The following MIPOL1 variants were observed in gnomAD, a reference collection of about 807,000 sequenced individuals.
MIPOL1 encodes the protein mirror-image polydactyly 1.
In MIPOL1, 57 loss-of-function variants were observed where a neutral mutation model predicts 60.9. That is an observed-to-expected ratio of 0.94 (90% CI 0.76 to 1.17). MIPOL1 has a LOEUF of 1.17. MIPOL1 is among the 50% of genes most tolerant of loss of function. The pLI is 0.00. For missense variants in MIPOL1, 551 were observed against 511.6 expected (o/e 1.08, Z -0.74); for synonymous variants, 179 against 168.8 (o/e 1.06, Z -0.47).
chr14:37,270,779 A>C (rs952610772), intron 6 of MIPOL1, among the ~76,000 whole-genome samples: 1 of 151,880 alleles, frequency 6.6e-6, no homozygotes, highest in Non-Finnish European at 1.5e-5. Context: ...ATCCAATCAC[A>C]AAAAGGTTGT....
rs539062000 is a variant in MIPOL1, at chr14:37,451,981, A to AT, written c.1031+29039dup. Among the ~76,000 whole-genome samples the AT allele has an allele frequency of 4.9e-3, 731 of 150,164 alleles. 5 individuals carry two copies. Among genetic ancestry groups the AT allele is most frequent in the East Asian group, 0.023 (117 of 5,102 alleles). On this transcript the variant is annotated intron_variant, in intron 11 of 12. Transcript: ENST00000684589. ...AGGCGCCCGCCATCACGCCCGGCTAATTTTTTTGTATTTTTAGTAGAGACG... is the reference window on the plus strand; with the variant it reads ...AGGCGCCCGCCATCACGCCCGGCTAATTTTTTTTGTATTTTTAGTAGAGACG...
chr14:37,314,440 T>C (rs1469746223), intron 9 of MIPOL1, among the ~76,000 whole-genome samples: 1 of 152,072 alleles, frequency 6.6e-6, no homozygotes, highest in Non-Finnish European at 1.5e-5. Flanking sequence ...ATGAAGAAAA[T>C]TCTAGGAAGA....
chr14:37,354,563 A>C (rs1325922122), intron 9 of MIPOL1, among the ~76,000 whole-genome samples: 1 of 57,538 alleles, frequency 1.7e-5, no homozygotes, highest in Non-Finnish European at 3.5e-5. Flanking sequence ...TAGGTCACTC[A>C]GGACTTGCTT....
chr14:37,418,480 C>G (rs949531444), intron 10 of MIPOL1, among the ~76,000 whole-genome samples: 1 of 152,114 alleles, frequency 6.6e-6, no homozygotes, highest in Non-Finnish European at 1.5e-5. Context: ...AAAATACACT[C>G]TGATTATTCT....
At chr14:37,545,633 TTTTG>T in intron 12 of MIPOL1, 1 of 641,286 alleles carries the variant, frequency 1.6e-6, no homozygotes, top group Non-Finnish European at 2.8e-6. Context: ...CACTGAATAA[TTTTG>T]TTTTATTTTC....
At chr14:37,369,337 A>G (rs184689403) in intron 9 of MIPOL1, among the ~76,000 whole-genome samples, 180 bp from the exon 10 acceptor site, 2 of 152,164 alleles carry the variant, frequency 1.3e-5, no homozygotes, top group East Asian at 3.9e-4. Flanking sequence ...AATTTTTAGA[A>G]TACTGTAAGC....
intron 11 of MIPOL1, among the ~76,000 whole-genome samples, chr14:37,455,011 C>T (rs921728950): frequency 1.3e-5 from 2 of 152,068 alleles, no homozygotes; most frequent in South Asian, 2.1e-4. Flanking sequence ...GATTTTTTAA[C>T]CCCAACCTGT....
chr14:37,516,472 A>G (rs547976788), intron 12 of MIPOL1, among the ~76,000 whole-genome samples: 11 of 152,218 alleles, frequency 7.2e-5, no homozygotes, highest in Non-Finnish European at 1.5e-4. Context: ...TTATTGAAGT[A>G]TACTTCATAG....
At chr14:37,270,640 C>CA (rs1182983112) in intron 6 of MIPOL1, 115 bp downstream of exon 6, 5 of 258,978 alleles carry the variant, frequency 1.9e-5, no homozygotes, top group Admixed American at 1.2e-4. Flanking sequence ...GGGAAGCTCT[C>CA]CTTTTTTTTT....
intron 1 of MIPOL1, among the ~76,000 whole-genome samples, chr14:37,201,553 C>A (rs576425043): frequency 3.8e-4 from 58 of 152,192 alleles, no homozygotes; most frequent in African/African-American, 1.3e-3. Context: ...GTCCTTTGAG[C>A]TGTTCCATCT....
At chr14:37,240,940 T>TAAACACACACACAC (rs1972252902) in intron 1 of MIPOL1, among the ~76,000 whole-genome samples, 1 of 145,990 alleles carries the variant, frequency 6.8e-6, no homozygotes, top group Non-Finnish European at 1.5e-5. Flanking sequence ...CACACACACA[T>TAAACACACACACAC]ACACACACAC....
In MIPOL1 at chr14:37,445,011, G is replaced by A. The variant is rs1030398670; in HGVS notation, c.1031+22062G>A. Among the ~76,000 whole-genome samples the A allele has an allele frequency of 1.5e-4, 23 of 152,082 alleles. 1 individual carries two copies. The highest frequency in any genetic ancestry group is 5.1e-4 in the African/African-American group (21 of 41,414). On this transcript the variant is annotated intron_variant, in intron 11 of 12. Coordinates refer to ENST00000684589, the MANE Select transcript of MIPOL1 (RefSeq NM_001388067.1). Reference sequence around the variant, plus strand: ...ACTGGAAGCATTCCCTTTGAAAACTGGCACAAGACAGGGATGCCCTCTCTC... The same window carrying A: ...ACTGGAAGCATTCCCTTTGAAAACTAGCACAAGACAGGGATGCCCTCTCTC...
At chr14:37,358,005 A>G (rs1372759947) in intron 9 of MIPOL1, among the ~76,000 whole-genome samples, 3 of 149,304 alleles carry the variant, frequency 2.0e-5, no homozygotes, top group Non-Finnish European at 4.4e-5. Context: ...CTGCCCCCTG[A>G]GAGGCCCCCG....
At chr14:37,199,966 G>A (rs982854569) in intron 1 of MIPOL1, among the ~76,000 whole-genome samples, 1 of 152,124 alleles carries the variant, frequency 6.6e-6, no homozygotes, top group African/African-American at 2.4e-5. Flanking sequence ...GAGAATTCTG[G>A]TTCCTCCAAA....
Position 37,308,519 on chromosome 14 carries a change from G to T in MIPOL1, c.828G>T (p.Lys276Asn). The T allele has an allele frequency of 6.4e-7, 1 of 1,566,702 alleles. No homozygotes were observed. Residue 276 changes from lysine (K) to asparagine (N), a missense_variant and splice_region_variant, in exon 9 of 13, where the codon AAG (lysine) becomes AAT (asparagine). Physicochemically the swap from Lys to Asn is moderately conservative, Grantham distance 94. Transcript: ENST00000684589. ...AAGAACGGGATGCTGCCTTGTCTAA[G>T]GTAACTCTGCATATATCTGTAAAAG... ...LIEERDAALSKCKRLEQELHH... is the reference protein window; with the variant it reads ...LIEERDAALSNCKRLEQELHH...
chr14:37,520,935 T>A (rs2095408969), intron 12 of MIPOL1, among the ~76,000 whole-genome samples: 1 of 140,160 alleles, frequency 7.1e-6, no homozygotes, highest in Non-Finnish European at 1.5e-5. Flanking sequence ...ACTTTTTTTT[T>A]TTTTTTTTTT....
intron 11 of MIPOL1, among the ~76,000 whole-genome samples, chr14:37,452,937 A>C (rs1174664181): frequency 1.3e-5 from 2 of 152,164 alleles, no homozygotes; most frequent in Non-Finnish European, 2.9e-5. Context: ...TTTATTCCTT[A>C]GGTATTTTTA....
chr14:37,393,442 G>A (rs1022133329), intron 10 of MIPOL1, among the ~76,000 whole-genome samples: 13 of 139,724 alleles, frequency 9.3e-5, no homozygotes, highest in African/African-American at 3.4e-4. Flanking sequence ...GGTGGGGGTG[G>A]GGGTTTGTTT....
chr14:37,517,199 T>C (rs2095376283), intron 12 of MIPOL1, among the ~76,000 whole-genome samples: 1 of 152,180 alleles, frequency 6.6e-6, no homozygotes, highest in South Asian at 2.1e-4. Flanking sequence ...AAGGATCAAA[T>C]GAAATGCGTG....
Sources: gnomAD v4.1 joint callset for allele counts (sites outside exome capture counted in the v4.1 genomes callset) on GRCh38, gnomAD v4.1.1 for gene constraint, MANE v1.5 for transcripts, NCBI Gene and HGNC (gene_info 2026-07-23, HGNC 2026-07-21) for gene names.